Variants in PACRG observed in about 807,000 individuals in gnomAD.
PACRG encodes parkin coregulated.
In PACRG, 29 loss-of-function variants were observed where a neutral mutation model predicts 29.7. That is an observed-to-expected ratio of 0.98 (90% confidence interval 0.73 to 1.33). The LOEUF is 1.33. Ranked by LOEUF, PACRG falls within the 40% of genes most tolerant of loss-of-function variation. The pLI is 0.00. For missense variants in PACRG, 279 were observed against 316.2 expected, an observed-to-expected ratio of 0.88 and a Z score of 0.89; for synonymous variants, 116 against 118.7, an observed-to-expected ratio of 0.98 and a Z score of 0.15.
In PACRG at chr6:163,141,669, TA is replaced by T. The variant is rs376052936; in HGVS notation, c.613+52269del. Among the ~76,000 whole-genome samples, 1,339 of 150,972 alleles carry T rather than the reference TA, an allele frequency of 8.9e-3. 21 individuals are homozygous for T. The highest frequency in any genetic ancestry group is 0.031 in the African/African-American group (1,271 of 41,218). On this transcript the variant is annotated intron_variant, in intron 4 of 4. Coordinates refer to ENST00000366888, the MANE Select transcript of PACRG (RefSeq NM_001080379.2). ...ATAAGGAGTAATAGTAAGATCAGAT[TA>T]AAAAAAAGCATTAATGGAGAAAAGA... is the stretch of plus-strand genomic sequence containing the variant.
intron 1 of PACRG, among the ~76,000 whole-genome samples, chr6:162,754,642 T>G (rs1781762307): frequency 6.6e-6 from 1 of 152,282 alleles, no homozygotes; most frequent in South Asian, 2.1e-4. Context: ...TTTGAGTGAT[T>G]TTTACATATG....
chr6:163,217,541 A>T (rs9456843), intron 4 of PACRG, among the ~76,000 whole-genome samples: 48,074 of 152,036 alleles, frequency 0.32, 8,036 homozygotes, highest in East Asian at 0.6. Context: ...AGGGGTCCCC[A>T]GCCCCCGGGC....
chr6:162,855,063 C>T (rs915572695), intron 2 of PACRG, among the ~76,000 whole-genome samples: 5 of 152,266 alleles, frequency 3.3e-5, no homozygotes, highest in Non-Finnish European at 5.9e-5. Flanking sequence ...ACTCCCCACG[C>T]AGTCTCATGT....
At chr6:163,217,358 C>A (rs116963968) in intron 4 of PACRG, among the ~76,000 whole-genome samples, 2,260 of 152,370 alleles carry the variant, frequency 0.015, 13 homozygotes, top group East Asian at 0.038. Flanking sequence ...ACGCCAGTCC[C>A]TGGACAGGAA....
chr6:163,302,257 TG>T (rs200740700), intron 4 of PACRG, among the ~76,000 whole-genome samples: 6 of 132,808 alleles, frequency 4.5e-5, no homozygotes, highest in Admixed American at 2.9e-4. Context: ...TGTTTTTTTT[TG>T]TTTTTTTTTT....
intron 2 of PACRG, among the ~76,000 whole-genome samples, chr6:163,020,942 C>T (rs2060181036): frequency 6.6e-6 from 1 of 152,180 alleles, no homozygotes; most frequent in African/African-American, 2.4e-5. Context: ...ACGGCCTCAG[C>T]ACCCTCTGCC....
intron 3 of PACRG, among the ~76,000 whole-genome samples, chr6:163,088,905 G>A (rs768450696): frequency 6.6e-6 from 1 of 152,070 alleles, no homozygotes; most frequent in Non-Finnish European, 1.5e-5. Context: ...AAATGTATCT[G>A]TTGTCAACCC....
chr6:162,903,029 T>C (rs1795666024), intron 2 of PACRG, among the ~76,000 whole-genome samples: 1 of 152,246 alleles, frequency 6.6e-6, no homozygotes, highest in Non-Finnish European at 1.5e-5. Flanking sequence ...TAGATTGAAC[T>C]ATGTCTGGGT....
chr6:162,750,103 G>T (rs1436722776), intron 1 of PACRG, among the ~76,000 whole-genome samples: 2 of 152,060 alleles, frequency 1.3e-5, no homozygotes, highest in Admixed American at 6.6e-5. Flanking sequence ...TGCTTCATTT[G>T]TTGATACTGA....
chr6:162,975,869 C>T (rs9365521), intron 2 of PACRG, among the ~76,000 whole-genome samples: 90,376 of 151,206 alleles, frequency 0.6, 27,473 homozygotes, highest in East Asian at 0.79. Flanking sequence ...ACAAATACTG[C>T]TCAAGTCCTA....
chr6:163,141,316 C>T (rs765187811), intron 4 of PACRG, among the ~76,000 whole-genome samples: 5 of 151,954 alleles, frequency 3.3e-5, no homozygotes, highest in African/African-American at 9.7e-5. Flanking sequence ...AAATTACAGC[C>T]GAAGTGAGTA....
chr6:162,737,911 C>T (rs1780288436), intron 1 of PACRG, among the ~76,000 whole-genome samples: 1 of 151,984 alleles, frequency 6.6e-6, no homozygotes, highest in South Asian at 2.1e-4. Flanking sequence ...ATCTCACTAA[C>T]CAATGTTTTC....
At chr6:162,881,158 A>AT (rs1793805626) in intron 2 of PACRG, among the ~76,000 whole-genome samples, 1 of 152,152 alleles carries the variant, frequency 6.6e-6, no homozygotes, top group Non-Finnish European at 1.5e-5. Flanking sequence ...CATTCTTTGG[A>AT]TTTTGCCTAT....
At chr6:163,289,019 G>A (rs1784489867) in intron 4 of PACRG, among the ~76,000 whole-genome samples, 1 of 152,190 alleles carries the variant, frequency 6.6e-6, no homozygotes, top group Admixed American at 6.5e-5. Flanking sequence ...CCCTCCATCA[G>A]CGAGGACAGG....
rs536999468 is a variant in PACRG, at chr6:163,152,812, A to G, written c.613+63404A>G. Among the ~76,000 whole-genome samples the G allele has an allele frequency of 2.6e-5, 4 of 152,292 alleles. No individual in the cohort carries two copies. In the East Asian group the frequency reaches 7.7e-4, roughly 29 times the overall value. ...TTCGTTTTATATGTCAATGCAGGCT[A>G]TGATGGTCCCTAAACTGTTGCTTCA... On this transcript the variant is annotated intron_variant, in intron 4 of 4. Coordinates refer to ENST00000366888, the MANE Select transcript of PACRG (RefSeq NM_001080379.2).
intron 1 of PACRG, among the ~76,000 whole-genome samples, chr6:162,769,146 C>T (rs138942526): frequency 6.6e-5 from 10 of 152,210 alleles, no homozygotes; most frequent in African/African-American, 1.9e-4. Flanking sequence ...AGAATCTCCT[C>T]GGAAGAGGAC....
Position 162,922,030 on chromosome 6 carries a change from T to A in PACRG, c.291+107749T>A, listed in dbSNP as rs574898070. Among the ~76,000 whole-genome samples the A allele has an allele frequency of 5.5e-4, 84 of 152,120 alleles. 1 individual carries two copies. Among genetic ancestry groups the A allele is most frequent in the Non-Finnish European group, 7.4e-5 (5 of 68,008 alleles). Reference sequence around the variant, plus strand: ...CTTGTCTAGTTTTCTGGCTCCTGCCTTAAGTCCCCGCTTTTTCCACGTCTA... The same window carrying A: ...CTTGTCTAGTTTTCTGGCTCCTGCCATAAGTCCCCGCTTTTTCCACGTCTA... On this transcript the variant is annotated intron_variant, in intron 2 of 4. Coordinates refer to ENST00000366888, the MANE Select transcript of PACRG (RefSeq NM_001080379.2).
chr6:163,310,432 C>T (rs1366576999), intron 4 of PACRG: 1 of 152,184 alleles, frequency 6.6e-6, no homozygotes, highest in African/African-American at 2.4e-5. Flanking sequence ...ATGGCAAGCT[C>T]CCGGGGGTCT....
intron 2 of PACRG, among the ~76,000 whole-genome samples, chr6:162,902,024 G>A (rs564629070): frequency 6.6e-4 from 101 of 152,312 alleles, no homozygotes; most frequent in Non-Finnish European, 1.1e-3. Context: ...GTGTCCATGC[G>A]TACATGCAGA....
Sources: gnomAD v4.1 joint callset for allele counts (sites outside exome capture counted in the v4.1 genomes callset) on GRCh38, gnomAD v4.1.1 for gene constraint, MANE v1.5 for transcripts, NCBI Gene and HGNC (gene_info 2026-07-23, HGNC 2026-07-21) for gene names.